SRD5A3: variants seen among roughly 807,000 people sequenced by gnomAD.
SRD5A3 encodes polyprenal reductase.
A neutral mutation model predicts 34.3 loss-of-function variants in SRD5A3; 24 were observed. The ratio of observed to expected loss-of-function variants is 0.70; its 90% CI spans 0.51 to 0.99. The LOEUF (loss-of-function observed/expected upper bound fraction) is 0.99. SRD5A3 is among the 50% of genes least tolerant of loss of function. The pLI is 0.00. For synonymous variants in SRD5A3, 161 were observed against 167.3 expected, an observed-to-expected ratio of 0.96 and a Z score of 0.29; for missense variants, 350 against 388.2, an observed-to-expected ratio of 0.90 and a Z score of 0.83.
At chr4:55,348,750 C>T (rs1254786990) in intron 1 of SRD5A3, among the ~76,000 whole-genome samples, 1 of 152,178 alleles carries the variant, frequency 6.6e-6, no homozygotes, top group Non-Finnish European at 1.5e-5. Flanking sequence ...CAGACTCAAG[C>T]TTAGAAGATA....
Position 55,369,867 on chromosome 4 carries a change from G to C in SRD5A3, c.733G>C (p.Gly245Arg), listed in dbSNP as rs765938950. The change falls in exon 5 of 5, where the codon GGA becomes CGA. Residue 245 changes from glycine to arginine, a missense_variant. Physicochemically the swap from Gly to Arg is moderately radical, Grantham distance 125. This residue lies in a region of SRD5A3 where 186 missense variants were observed against 221.4 expected (regional missense o/e 0.84). Transcript: ENST00000264228. ...VIHCNHRIPF[G>R]DWFEYVSSPN... ...TCACTGTAACCACAGGATCCCATTT[G>C]GAGACTGGTTTGAATATGTTTCTTC... is the stretch of plus-strand genomic sequence containing the variant. The C allele has an allele frequency of 6.2e-7, 1 of 1,614,082 alleles. No homozygotes were observed. Among genetic ancestry groups the C allele is most frequent in the Non-Finnish European group, 8.5e-7 (1 of 1,180,014 alleles).
In SRD5A3 at chr4:55,346,471, C is replaced by A. The variant is rs759046094; in HGVS notation, c.135C>A (p.Ile45=). 1 of 1,607,248 alleles carries A rather than the reference C, an allele frequency of 6.2e-7. No individual in the cohort carries two copies. The highest frequency in any genetic ancestry group is 1.3e-5 in the African/African-American group (1 of 74,182). ...LPPGLLPGCA[I]FQDLIRYGKT... Reference sequence around the variant, plus strand: ...CCGGCCTGCTCCCGGGCTGCGCGATCTTCCAGGACCTGATCCGCTATGGGA... The same window carrying A: ...CCGGCCTGCTCCCGGGCTGCGCGATATTCCAGGACCTGATCCGCTATGGGA... Residue 45 remains isoleucine (I), a synonymous_variant, in exon 1 of 5, where the codon ATC becomes ATA. Transcript: ENST00000264228.
chr4:55,351,346 A>G (rs1368896112), intron 1 of SRD5A3, among the ~76,000 whole-genome samples: 4 of 152,096 alleles, frequency 2.6e-5, no homozygotes, highest in Non-Finnish European at 2.9e-5. Flanking sequence ...CGCCAGGACC[A>G]CAGGCATGAG....
chr4:55,366,660 G>A (rs889192517), intron 3 of SRD5A3: 1 of 152,258 alleles, frequency 6.6e-6, no homozygotes, highest in Non-Finnish European at 1.5e-5. Flanking sequence ...TGGCCATGTG[G>A]AATTGCATGA....
chr4:55,353,559 C>A (rs945096827), intron 1 of SRD5A3, among the ~76,000 whole-genome samples: 1 of 152,352 alleles, frequency 6.6e-6, no homozygotes, highest in African/African-American at 2.4e-5. Context: ...CCTGTGGAGG[C>A]TGTATTCTTT....
intron 1 of SRD5A3, among the ~76,000 whole-genome samples, chr4:55,350,768 T>C (rs2109461464): frequency 6.7e-6 from 1 of 149,430 alleles, no homozygotes; most frequent in African/African-American, 2.5e-5. Flanking sequence ...AAATTTTTTT[T>C]TTTTTTTTTT....
intron 4 of SRD5A3, among the ~76,000 whole-genome samples, chr4:55,368,938 C>T (rs1053318224): frequency 6.6e-6 from 1 of 152,000 alleles, no homozygotes; most frequent in Admixed American, 6.6e-5. Flanking sequence ...GGGGTTTCAC[C>T]ATGTTGGCCA....
chr4:55,362,117 G>A (rs528998588), intron 2 of SRD5A3, among the ~76,000 whole-genome samples: 7 of 151,504 alleles, frequency 4.6e-5, no homozygotes, highest in Admixed American at 2.0e-4. Flanking sequence ...GGTGCTGTTC[G>A]TGTTCTGTTT....
At chr4:55,350,376 A>T (rs1328755446) in intron 1 of SRD5A3, among the ~76,000 whole-genome samples, 1 of 152,200 alleles carries the variant, frequency 6.6e-6, no homozygotes, top group East Asian at 1.9e-4. Context: ...TCTCAAAAAG[A>T]AAGAAATATA....
At chr4:55,348,591 C>T (rs1034951951) in intron 1 of SRD5A3, among the ~76,000 whole-genome samples, 1 of 152,144 alleles carries the variant, frequency 6.6e-6, no homozygotes, top group African/African-American at 2.4e-5. Context: ...AGAGATTTTA[C>T]TGGTTTATAA....
At chr4:55,364,875 A>C (rs931165000) in intron 3 of SRD5A3, 2 of 157,850 alleles carry the variant, frequency 1.3e-5, no homozygotes, top group African/African-American at 4.8e-5. Context: ...GAGAGGACAA[A>C]GAGTACTGTG....
chr4:55,366,816 T>C (rs1171412412), intron 3 of SRD5A3: 1 of 152,348 alleles, frequency 6.6e-6, no homozygotes, highest in Non-Finnish European at 1.5e-5. Flanking sequence ...CAGAGGGAAG[T>C]CCCTGTTTGC....
At chr4:55,358,300 T>C (rs1719546132) in intron 1 of SRD5A3, among the ~76,000 whole-genome samples, 2 of 152,024 alleles carry the variant, frequency 1.3e-5, no homozygotes, top group Non-Finnish European at 1.5e-5. Flanking sequence ...GAAGCCAAGG[T>C]GGGAGGGATC....
At chr4:55,363,915 G>T in intron 2 of SRD5A3, 159 bp from the exon 3 acceptor site, 1 of 753,258 alleles carries the variant, frequency 1.3e-6, no homozygotes, top group Non-Finnish European at 2.4e-6. Flanking sequence ...TAATTTGAGT[G>T]AAGTCAAATT....
intron 1 of SRD5A3, 122 bp downstream of exon 1, chr4:55,346,679 T>G (rs919288423): frequency 4.3e-6 from 4 of 925,704 alleles, no homozygotes; most frequent in Non-Finnish European, 6.0e-6. Context: ...CCCTGGCGGG[T>G]TCCCGGGCGC....
chr4:55,367,570 C>G lies in SRD5A3; in HGVS notation c.563-18C>G. The G allele has an allele frequency of 6.2e-7, 1 of 1,613,566 alleles. No homozygotes were observed. The highest frequency in any genetic ancestry group is 8.5e-7 in the Non-Finnish European group (1 of 1,179,942). Reference sequence around the variant, plus strand: ...TGTGAAATTGTTTAGTGTTGGCTAACAATTCTCATTCCTATAGCCTACATA... The same window carrying G: ...TGTGAAATTGTTTAGTGTTGGCTAAGAATTCTCATTCCTATAGCCTACATA... On this transcript the variant is annotated intron_variant, in intron 3 of 4. Coordinates refer to ENST00000264228, the MANE Select transcript of SRD5A3 (RefSeq NM_024592.5).
At chr4:55,357,967 A>C (rs913536259) in intron 1 of SRD5A3, among the ~76,000 whole-genome samples, 3 of 152,202 alleles carry the variant, frequency 2.0e-5, no homozygotes, top group African/African-American at 4.8e-5. Context: ...GTTTGTAGGC[A>C]TGATCTCAGG....
chr4:55,355,919 T>C (rs1719437766), intron 1 of SRD5A3, among the ~76,000 whole-genome samples: 1 of 151,812 alleles, frequency 6.6e-6, no homozygotes, highest in African/African-American at 2.4e-5. Flanking sequence ...ACAACTAGAC[T>C]GTTCTCTACC....
intron 1 of SRD5A3, among the ~76,000 whole-genome samples, chr4:55,354,956 G>A (rs1027639768): frequency 1.3e-5 from 2 of 152,232 alleles, no homozygotes; most frequent in Non-Finnish European, 2.9e-5. Flanking sequence ...GCAAGGGAGT[G>A]CTCATTCAGC....
Sources: allele counts gnomAD v4.1 joint callset (sites outside exome capture counted in the v4.1 genomes callset), GRCh38; gene constraint gnomAD v4.1.1; regional missense constraint gnomAD v4.1.1; transcripts MANE v1.5; gene names NCBI Gene and HGNC (gene_info 2026-07-23, HGNC 2026-07-21).